The following DSCAM variants were observed in gnomAD, a reference collection of about 807,000 sequenced individuals.
DSCAM encodes the protein cell adhesion molecule DSCAM.
Under a neutral mutation model 217.7 loss-of-function variants are expected in DSCAM, and 47 were observed. The ratio of observed to expected loss-of-function variants is 0.22; its 90% confidence interval spans 0.17 to 0.28. The LOEUF is 0.28. Ranked by LOEUF, DSCAM falls within the 10% of genes least tolerant of loss-of-function variation. The probability of loss-of-function intolerance (pLI) is 1.00; values close to 1 mark genes in which losing one functional copy is unlikely to be tolerated. For missense variants in DSCAM, 2,080 were observed against 2,618.3 expected (o/e 0.79, Z 4.49); for synonymous variants, 1,056 against 1,015.3 (o/e 1.04, Z -0.76).
intron 3 of DSCAM, among the ~76,000 whole-genome samples, chr21:40,508,737 A>G (rs2076228831): frequency 2.7e-4 from 1 of 3,690 alleles, no homozygotes; most frequent in Non-Finnish European, 6.8e-4. Context: ...CCCGGCAAAT[A>G]TATATATATA....
rs1359138084 is a variant in DSCAM, at chr21:40,369,219, C to T, written c.535G>A (p.Gly179Arg). The change falls in exon 4 of 33, where the codon GGA becomes AGA. Residue 179 changes from glycine (G) to arginine (R), a missense_variant. Physicochemically the swap from Gly to Arg is moderately radical, Grantham distance 125 (BLOSUM62 -2). Coordinates refer to ENST00000400454, the MANE Select transcript of DSCAM (RefSeq NM_001389.5). The stretch of plus-strand genomic sequence containing the variant: ...TGTACATCTTTAATATACAAGGCTC[C>T]CGTGGATGTGATGAGAAATCTAGAT... Reference protein sequence around the residue: ...SGSRFLITSTGALYIKDVQNE... With the variant: ...SGSRFLITSTRALYIKDVQNE... The T allele has an allele frequency of 1.2e-6, 2 of 1,609,418 alleles. No individual in the cohort carries two copies. Among genetic ancestry groups the T allele is most frequent in the Admixed American group, 3.4e-5 (2 of 59,264 alleles).
At chr21:40,714,224 G>C (rs2090815340) in intron 1 of DSCAM, among the ~76,000 whole-genome samples, 1 of 152,198 alleles carries the variant, frequency 6.6e-6, no homozygotes, top group Non-Finnish European at 1.5e-5. Flanking sequence ...AGCTGCAGCA[G>C]AGACTGTCCA....
chr21:40,428,180 C>T (rs771488445), intron 3 of DSCAM, among the ~76,000 whole-genome samples: 7 of 151,306 alleles, frequency 4.6e-5, no homozygotes, highest in African/African-American at 7.3e-5. Context: ...ACTTACTCTT[C>T]ATTCTCCCAA....
intron 1 of DSCAM, among the ~76,000 whole-genome samples, chr21:40,713,652 C>G (rs1363900425): frequency 1.3e-5 from 2 of 152,168 alleles, no homozygotes; most frequent in Non-Finnish European, 2.9e-5. Flanking sequence ...TTAGGAAGAA[C>G]TGTTAGAAAG....
rs998133623 is a variant in DSCAM, at chr21:40,545,289, C to T, written c.508+147521G>A. Among the ~76,000 whole-genome samples the T allele has an allele frequency of 4.6e-5, 7 of 152,260 alleles. No homozygotes were observed. In the South Asian group the frequency reaches 8.3e-4, roughly 18 times the overall value. ...ATGTCTGTTGTTTAAGCCACCCAGA[C>T]GATGGTATTCTGTGACAGCAGCCTG... On this transcript the variant is annotated intron_variant, in intron 3 of 32. Coordinates refer to ENST00000400454, the MANE Select transcript of DSCAM (RefSeq NM_001389.5).
chr21:40,471,456 A>G (rs1264011071), intron 3 of DSCAM, among the ~76,000 whole-genome samples: 1 of 152,182 alleles, frequency 6.6e-6, no homozygotes, highest in East Asian at 1.9e-4. Flanking sequence ...TTAAAACAAC[A>G]TCAGTAACTG....
intron 2 of DSCAM, among the ~76,000 whole-genome samples, chr21:40,695,711 A>G (rs2090587620): frequency 6.6e-6 from 1 of 152,234 alleles, no homozygotes; most frequent in East Asian, 1.9e-4. Context: ...TGTTCAATAC[A>G]TATTTTGAGA....
intron 3 of DSCAM, among the ~76,000 whole-genome samples, chr21:40,510,426 A>G (rs1293548305): frequency 1.3e-5 from 2 of 152,228 alleles, no homozygotes; most frequent in African/African-American, 2.4e-5. Flanking sequence ...TCAAAATGTT[A>G]GTATTGTTGA....
chr21:40,469,166 TGGA>T (rs1434566577), intron 3 of DSCAM, among the ~76,000 whole-genome samples: 1 of 152,140 alleles, frequency 6.6e-6, no homozygotes, highest in Non-Finnish European at 1.5e-5. Context: ...TAAAAGACAA[TGGA>T]GAAATCATTC....
chr21:40,758,851 T>G (rs1235453268), intron 1 of DSCAM, among the ~76,000 whole-genome samples: 2 of 152,156 alleles, frequency 1.3e-5, no homozygotes, highest in Non-Finnish European at 2.9e-5. Context: ...TTAGTGGGCC[T>G]GATGAAGACC....
At chr21:40,578,004 C>A (rs931059343) in intron 3 of DSCAM, among the ~76,000 whole-genome samples, 2 of 152,050 alleles carry the variant, frequency 1.3e-5, no homozygotes, top group East Asian at 3.9e-4. Context: ...GCTCTCTTAG[C>A]TAAGGGAGAA....
At chr21:40,671,506 C>CCG (rs994632416) in intron 3 of DSCAM, among the ~76,000 whole-genome samples, 4 of 151,480 alleles carry the variant, frequency 2.6e-5, no homozygotes, top group African/African-American at 9.7e-5. Context: ...AAACTCCCCC[C>CCG]CCGCACCGTC....
At chr21:40,760,542 G>C (rs937379130) in intron 1 of DSCAM, among the ~76,000 whole-genome samples, 1 of 152,198 alleles carries the variant, frequency 6.6e-6, no homozygotes, top group African/African-American at 2.4e-5. Context: ...AGGCCAGTCA[G>C]GGAGTAAGAA....
chr21:40,208,799 C>T (rs1458593282), intron 11 of DSCAM, among the ~76,000 whole-genome samples: 1 of 152,168 alleles, frequency 6.6e-6, no homozygotes, highest in Admixed American at 6.6e-5. Context: ...GCAGCTGCGG[C>T]TTTCACTGCC....
chr21:40,758,516 C>CAAAAAA (rs3071030), intron 1 of DSCAM, among the ~76,000 whole-genome samples: 34 of 103,032 alleles, frequency 3.3e-4, no homozygotes, highest in Non-Finnish European at 2.0e-4. Context: ...GACTCTGTCT[C>CAAAAAA]AAAAAAAAAA....
At position 40,021,735 on chromosome 21, in the gene DSCAM, C is replaced by T. The variant is rs189613197; in HGVS notation, c.5687-8349G>A. On this transcript the variant is annotated intron_variant, in intron 32 of 32. Coordinates refer to ENST00000400454, the MANE Select transcript of DSCAM (RefSeq NM_001389.5). ...TGATTAAATAGGTCAGCATTGATTT[C>T]TCTCTCTTTCTCTAACCACTTTGCA... 2.3e-3 allele frequency among the ~76,000 whole-genome samples: 347 copies of T among 152,318 alleles called. 1 individual carries two copies. Among genetic ancestry groups the T allele is most frequent in the African/African-American group, 7.9e-3 (330 of 41,574 alleles).
At chr21:40,571,217 A>G (rs946606310) in intron 3 of DSCAM, among the ~76,000 whole-genome samples, 2 of 152,168 alleles carry the variant, frequency 1.3e-5, no homozygotes, top group African/African-American at 4.8e-5. Context: ...AATGCTGAAA[A>G]AAAACTGTCA....
intron 3 of DSCAM, among the ~76,000 whole-genome samples, chr21:40,456,721 T>C (rs1240745755): frequency 5.3e-5 from 8 of 152,212 alleles, no homozygotes; most frequent in African/African-American, 1.7e-4. Context: ...AATGGAATGA[T>C]GAGTGTCACT....
intron 11 of DSCAM, among the ~76,000 whole-genome samples, chr21:40,269,509 G>A (rs2073586768): frequency 6.6e-6 from 1 of 152,182 alleles, no homozygotes; most frequent in African/African-American, 2.4e-5. Context: ...AAAGAGTTCT[G>A]TTGTCACTGA....
Sources: gnomAD v4.1 joint callset for allele counts (sites outside exome capture counted in the v4.1 genomes callset) on GRCh38, gnomAD v4.1.1 for gene constraint, MANE v1.5 for transcripts, NCBI Gene and HGNC (gene_info 2026-07-23, HGNC 2026-07-21) for gene names.